The following MACROD2 variants were observed in gnomAD, a reference collection of about 807,000 sequenced individuals.
The protein encoded by MACROD2 is ADP-ribose glycohydrolase MACROD2.
A neutral mutation model predicts 70.4 loss-of-function variants in MACROD2; 36 were observed. The ratio of observed to expected loss-of-function variants is 0.51; its 90% CI spans 0.39 to 0.68. The LOEUF (loss-of-function observed/expected upper bound fraction) is 0.68. Ranked by LOEUF, MACROD2 falls within the 30% of genes least tolerant of loss-of-function variation. The pLI is 0.00. For synonymous variants in MACROD2, 172 were observed against 178.8 expected (o/e 0.96, Z 0.30); for missense variants, 496 against 538.4 (o/e 0.92, Z 0.78).
At chr20:15,952,391 A>T (rs370013130) in intron 12 of MACROD2, among the ~76,000 whole-genome samples, 166 of 146,810 alleles carry the variant, frequency 1.1e-3, no homozygotes, top group African/African-American at 3.9e-3. Flanking sequence ...ATCAGAAACC[A>T]TTTTTTTTTT....
intron 2 of MACROD2, among the ~76,000 whole-genome samples, chr20:14,048,408 A>G (rs1410177133): frequency 1.3e-5 from 2 of 152,180 alleles, no homozygotes; most frequent in East Asian, 1.9e-4. Context: ...GGGAGGCCTG[A>G]AAGTCATTTC....
At chr20:15,072,387 T>A (rs1181321245) in intron 5 of MACROD2, among the ~76,000 whole-genome samples, 1 of 152,204 alleles carries the variant, frequency 6.6e-6, no homozygotes, top group Non-Finnish European at 1.5e-5. Flanking sequence ...TTTCACTGAA[T>A]CATCTAGATA....
At chr20:15,874,676 CA>C (rs2064642320) in intron 9 of MACROD2, among the ~76,000 whole-genome samples, 1 of 152,100 alleles carries the variant, frequency 6.6e-6, no homozygotes, top group Admixed American at 6.6e-5. Context: ...CAATGATGAG[CA>C]TTTTTAAATA....
At chr20:14,739,882 T>C (rs2071712720) in intron 5 of MACROD2, among the ~76,000 whole-genome samples, 1 of 152,056 alleles carries the variant, frequency 6.6e-6, no homozygotes, top group Non-Finnish European at 1.5e-5. Context: ...TGGAAATGCA[T>C]TCATGGTATG....
intron 3 of MACROD2, among the ~76,000 whole-genome samples, chr20:14,295,629 A>G (rs960422378): frequency 6.6e-6 from 1 of 151,832 alleles, no homozygotes; most frequent in Non-Finnish European, 1.5e-5. Context: ...TTTTTAACTT[A>G]ACAATGTATT....
chr20:15,099,531 C>G (rs1315628829), intron 5 of MACROD2, among the ~76,000 whole-genome samples: 1 of 152,176 alleles, frequency 6.6e-6, no homozygotes, highest in African/African-American at 2.4e-5. Context: ...GCCTCCAGGA[C>G]TGTGAGAAAT....
chr20:15,868,212 C>G (rs980768837), intron 9 of MACROD2, among the ~76,000 whole-genome samples: 10 of 152,180 alleles, frequency 6.6e-5, no homozygotes, highest in Non-Finnish European at 1.2e-4. Flanking sequence ...AAGTAACTAT[C>G]TAGCTGGATT....
intron 8 of MACROD2, among the ~76,000 whole-genome samples, chr20:15,574,380 C>T (rs1214220000): frequency 6.6e-6 from 1 of 152,094 alleles, no homozygotes; most frequent in Non-Finnish European, 1.5e-5. Context: ...TCTCTTTCTT[C>T]CTCTCATCTT....
intron 3 of MACROD2, among the ~76,000 whole-genome samples, chr20:14,485,470 G>T (rs1276300298): frequency 6.6e-6 from 1 of 152,202 alleles, no homozygotes; most frequent in South Asian, 2.1e-4. Context: ...GGGAGGCTGA[G>T]GCGGGCGAAT....
intron 15 of MACROD2, among the ~76,000 whole-genome samples, chr20:15,988,375 C>T (rs917486899): frequency 6.6e-6 from 1 of 152,130 alleles, no homozygotes; most frequent in African/African-American, 2.4e-5. Flanking sequence ...GTGAAATAGA[C>T]AATGCTGTGC....
At chr20:14,327,194 A>G (rs1486565329) in intron 3 of MACROD2, 2 of 1,613,684 alleles carry the variant, frequency 1.2e-6, no homozygotes, top group South Asian at 2.2e-5. Context: ...TCTTTTACAT[A>G]CTTTGGGAGG....
intron 3 of MACROD2, among the ~76,000 whole-genome samples, chr20:14,160,356 T>C (rs573437479): frequency 8.5e-5 from 13 of 152,324 alleles, no homozygotes; most frequent in African/African-American, 2.6e-4. Flanking sequence ...GGTCCCGGAC[T>C]TTTCTTTGTT....
chr20:16,027,489 A>C (rs1568719790), intron 15 of MACROD2, among the ~76,000 whole-genome samples: 1 of 152,236 alleles, frequency 6.6e-6, no homozygotes, highest in African/African-American at 2.4e-5. Flanking sequence ...ATACATAATC[A>C]TGCAGGATTT....
At chr20:15,086,302 CTATG>C (rs551023352) in intron 5 of MACROD2, among the ~76,000 whole-genome samples, 2 of 152,136 alleles carry the variant, frequency 1.3e-5, no homozygotes, top group Non-Finnish European at 2.9e-5. Context: ...TGAATACACA[CTATG>C]TATGTTATCT....
intron 8 of MACROD2, among the ~76,000 whole-genome samples, chr20:15,838,047 T>A (rs1366948269): frequency 2.0e-5 from 3 of 152,152 alleles, no homozygotes; most frequent in Non-Finnish European, 2.9e-5. Flanking sequence ...CTAAAAATTT[T>A]GAGAAAAACT....
chr20:14,395,843 T>C (rs1212817453), intron 3 of MACROD2, among the ~76,000 whole-genome samples: 1 of 152,238 alleles, frequency 6.6e-6, no homozygotes, highest in Admixed American at 6.5e-5. Context: ...CTTTGACTCA[T>C]GGGTTATTTA....
In MACROD2 at chr20:15,143,962, CAA is replaced by C. The variant is rs11475638; in HGVS notation, c.419-85966_419-85965del. ...TGATGAGCTAAAAAAAAAAAAATCG[CAA>C]AAAAAAAAAAACCTCATAATATTTT... On this transcript the variant is annotated intron_variant, in intron 5 of 17. Coordinates refer to ENST00000684519, the MANE Select transcript of MACROD2 (RefSeq NM_001351661.2). 1.6e-4 allele frequency among the ~76,000 whole-genome samples: 16 copies of C among 97,344 alleles called. 1 individual carries two copies. Among genetic ancestry groups the C allele is most frequent in the East Asian group, 9.5e-4 (3 of 3,164 alleles). 63.9% of individuals were successfully genotyped at this position (97,344 alleles called of 152,430 possible). A position where few individuals can be genotyped will look rare whatever the true frequency, so the allele number is the denominator to read the frequency against.
intron 3 of MACROD2, among the ~76,000 whole-genome samples, chr20:14,160,036 A>G (rs1180139979): frequency 6.6e-6 from 1 of 151,994 alleles, no homozygotes; most frequent in Non-Finnish European, 1.5e-5. Flanking sequence ...ATTGATTTGT[A>G]TATGTTGAAC....
rs11474711 is a variant in MACROD2, at chr20:14,786,204, T to TAGAGAGAGAGAGAGAGAGAGAG, written c.418+101257_418+101278dup. ...AGTGTTTGGTTCACTCAGAGAAAGA[T>TAGAGAGAGAGAGAGAGAGAGAG]AGAGAGAGAGAGAGAGAGAGAGAGA... On this transcript the variant is annotated intron_variant, in intron 5 of 17. Coordinates refer to ENST00000684519, the MANE Select transcript of MACROD2 (RefSeq NM_001351661.2). Among the ~76,000 whole-genome samples, 459 of 135,500 alleles carry TAGAGAGAGAGAGAGAGAGAGAG rather than the reference T, an allele frequency of 3.4e-3. 9 individuals are homozygous for TAGAGAGAGAGAGAGAGAGAGAG. Among genetic ancestry groups the TAGAGAGAGAGAGAGAGAGAGAG allele is most frequent in the African/African-American group, 0.01 (358 of 34,876 alleles). 88.9% of individuals were successfully genotyped at this position (135,500 alleles called of 152,430 possible). A position where few individuals can be genotyped will look rare whatever the true frequency, so the allele number is the denominator to read the frequency against.
Sources: allele counts gnomAD v4.1 joint callset (sites outside exome capture counted in the v4.1 genomes callset), GRCh38; gene constraint gnomAD v4.1.1; transcripts MANE v1.5; gene names NCBI Gene and HGNC (gene_info 2026-07-23, HGNC 2026-07-21).